The following KDM4C variants were observed in gnomAD, a reference collection of about 807,000 sequenced individuals.
KDM4C encodes the protein lysine demethylase 4C.
KDM4C carries 81 observed loss-of-function variants against 129.3 expected under a neutral mutation model. That is an observed-to-expected ratio of 0.63 (90% CI 0.52 to 0.75). The LOEUF (loss-of-function observed/expected upper bound fraction) is 0.75. Among genes scored for constraint, KDM4C ranks in the 30% least tolerant of loss-of-function variants. KDM4C has a pLI of 0.00. For missense variants in KDM4C, 1,457 were observed against 1,304.0 expected (o/e 1.12, Z -1.81); for synonymous variants, 573 against 456.1 (o/e 1.26, Z -3.26).
intron 4 of KDM4C, among the ~76,000 whole-genome samples, chr9:6,841,931 A>G (rs1011836594): frequency 1.1e-4 from 16 of 152,142 alleles, no homozygotes; most frequent in African/African-American, 3.9e-4. Flanking sequence ...GGAGCTGGTT[A>G]TCAGTTTTCT....
intron 21 of KDM4C, among the ~76,000 whole-genome samples, 180 bp from the exon 22 acceptor site, chr9:7,174,373 C>A (rs533883724): frequency 1.3e-5 from 2 of 152,266 alleles, no homozygotes; most frequent in East Asian, 3.9e-4. Context: ...CTAAATGGAG[C>A]CCCCCACTTT....
intron 21 of KDM4C, among the ~76,000 whole-genome samples, chr9:7,172,221 C>G (rs2130524535): frequency 1.3e-5 from 2 of 152,292 alleles, no homozygotes; most frequent in Admixed American, 1.3e-4. Context: ...ATGACTTCGG[C>G]TCACCCAGAC....
intron 5 of KDM4C, among the ~76,000 whole-genome samples, chr9:6,861,932 T>C (rs1165538306): frequency 1.3e-5 from 2 of 151,944 alleles, no homozygotes; most frequent in African/African-American, 2.4e-5. Context: ...CCACCATGCC[T>C]GGCTAATTTT....
intron 1 of KDM4C, among the ~76,000 whole-genome samples, chr9:6,785,268 G>C (rs1356087003): frequency 6.6e-6 from 1 of 151,784 alleles, no homozygotes; most frequent in African/African-American, 2.4e-5. Context: ...TTGGCTTGCA[G>C]CTGCATGACT....
At chr9:7,122,146 G>T (rs1050870411) in intron 18 of KDM4C, among the ~76,000 whole-genome samples, 6 of 151,988 alleles carry the variant, frequency 3.9e-5, no homozygotes, top group African/African-American at 1.2e-4. Context: ...GGATGGGGAG[G>T]CCTCAGAAAA....
chr9:7,073,357 C>G (rs770846706), intron 17 of KDM4C, among the ~76,000 whole-genome samples: 2 of 152,186 alleles, frequency 1.3e-5, no homozygotes, highest in African/African-American at 2.4e-5. Context: ...GAGTAAGTTT[C>G]AGTAATTTAC....
intron 3 of KDM4C, among the ~76,000 whole-genome samples, chr9:6,813,502 A>G (rs985257780): frequency 3.9e-5 from 6 of 152,252 alleles, no homozygotes; most frequent in African/African-American, 1.4e-4. Flanking sequence ...GGTCCCCAGT[A>G]TAGTGAGTGT....
At chr9:6,814,066 T>C (rs1831640728) in intron 3 of KDM4C, among the ~76,000 whole-genome samples, 1 of 152,166 alleles carries the variant, frequency 6.6e-6, no homozygotes, top group Non-Finnish European at 1.5e-5. Flanking sequence ...TGTCAATTTT[T>C]AAAAAGCTTT....
chr9:6,920,895 A>G (rs1452961454), intron 8 of KDM4C, among the ~76,000 whole-genome samples: 1 of 152,200 alleles, frequency 6.6e-6, no homozygotes, highest in Non-Finnish European at 1.5e-5. Flanking sequence ...CAGTATGTCA[A>G]AATGGCATGT....
chr9:6,799,663 A>T (rs1828549172), intron 2 of KDM4C, among the ~76,000 whole-genome samples: 1 of 148,026 alleles, frequency 6.8e-6, no homozygotes, highest in Non-Finnish European at 1.5e-5. Flanking sequence ...TTTTTTTTAC[A>T]AAACAGAAAA....
chr9:6,875,569 T>A (rs1374927376), intron 5 of KDM4C, among the ~76,000 whole-genome samples: 1 of 152,200 alleles, frequency 6.6e-6, no homozygotes, highest in Non-Finnish European at 1.5e-5. Context: ...ATCCCAGAGT[T>A]GAGGCATTAG....
chr9:6,827,855 C>CT (rs1277789729), intron 4 of KDM4C, among the ~76,000 whole-genome samples: 4 of 152,208 alleles, frequency 2.6e-5, no homozygotes, highest in African/African-American at 9.6e-5. Flanking sequence ...CATTTATCTG[C>CT]TAGCATGTTA....
At chr9:7,074,086 C>T (rs1207212060) in intron 17 of KDM4C, among the ~76,000 whole-genome samples, 1 of 152,128 alleles carries the variant, frequency 6.6e-6, no homozygotes, top group African/African-American at 2.4e-5. Flanking sequence ...GATTGTAGTG[C>T]ATCTTACTTT....
intron 1 of KDM4C, among the ~76,000 whole-genome samples, chr9:6,760,830 C>T (rs946873658): frequency 1.3e-5 from 2 of 151,914 alleles, no homozygotes; most frequent in East Asian, 1.9e-4. Flanking sequence ...CCTCAGCCTC[C>T]CAAAGTGCTG....
At chr9:7,009,588 C>G (rs910347614) in intron 12 of KDM4C, among the ~76,000 whole-genome samples, 1 of 152,094 alleles carries the variant, frequency 6.6e-6, no homozygotes, top group Non-Finnish European at 1.5e-5. Flanking sequence ...GGTGCCACTG[C>G]CTTGATTCAT....
intron 19 of KDM4C, among the ~76,000 whole-genome samples, chr9:7,143,268 C>T (rs575194511): frequency 6.6e-6 from 1 of 152,324 alleles, no homozygotes; most frequent in African/African-American, 2.4e-5. Flanking sequence ...AGGATGCTAA[C>T]TAACCTTGTT....
intron 8 of KDM4C, among the ~76,000 whole-genome samples, chr9:6,916,970 G>A (rs1446577252): frequency 6.6e-6 from 1 of 152,186 alleles, no homozygotes; most frequent in Non-Finnish European, 1.5e-5. Context: ...ATGATACAAA[G>A]TTGAATGAGG....
intron 4 of KDM4C, among the ~76,000 whole-genome samples, chr9:6,827,747 C>G (rs890554715): frequency 1.3e-5 from 2 of 152,164 alleles, no homozygotes; most frequent in African/African-American, 2.4e-5. Flanking sequence ...AGATGTCATC[C>G]TAGACAGGTT....
intron 6 of KDM4C, among the ~76,000 whole-genome samples, chr9:6,886,080 G>A (rs868842240): frequency 1.3e-5 from 2 of 152,152 alleles, no homozygotes; most frequent in Admixed American, 6.5e-5. Flanking sequence ...TTATAAAAAC[G>A]TTCCCATGGA....
Sources: allele counts gnomAD v4.1 joint callset (sites outside exome capture counted in the v4.1 genomes callset), GRCh38; gene constraint gnomAD v4.1.1; transcripts MANE v1.5; gene names NCBI Gene and HGNC (gene_info 2026-07-23, HGNC 2026-07-21).